Variants in RBFOX1 observed in about 807,000 individuals in gnomAD.
RBFOX1 encodes the protein RNA binding fox-1 homolog 1, also known as RNA binding protein fox-1 homolog 1.
Under a neutral mutation model 57.7 loss-of-function variants are expected in RBFOX1, and 8 were observed. The observed-to-expected ratio is 0.14, with a 90% CI of 0.08 to 0.25. The LOEUF (loss-of-function observed/expected upper bound fraction) is 0.25, where lower values mean the gene tolerates loss of function less well. Ranked by LOEUF, RBFOX1 falls within the 10% of genes least tolerant of loss-of-function variation. The pLI is 1.00. For missense variants in RBFOX1, 611 were observed against 548.5 expected (o/e 1.11, Z -1.14); for synonymous variants, 326 against 222.4 (o/e 1.47, Z -4.15).
At chr16:7,233,651 C>G (rs1279140479) in intron 4 of RBFOX1, among the ~76,000 whole-genome samples, 1 of 152,178 alleles carries the variant, frequency 6.6e-6, no homozygotes, top group African/African-American at 2.4e-5. Flanking sequence ...CTGGATGCTG[C>G]CCTTTCAACA....
intron 4 of RBFOX1, among the ~76,000 whole-genome samples, chr16:7,194,929 CAA>C (rs59919051): frequency 3.7e-5 from 5 of 134,136 alleles, no homozygotes; most frequent in Admixed American, 7.7e-5. Flanking sequence ...CCCTGTTTCA[CAA>C]AAAAAAAAAA....
At chr16:7,245,171 C>T (rs774167597) in intron 4 of RBFOX1, among the ~76,000 whole-genome samples, 13 of 152,130 alleles carry the variant, frequency 8.5e-5, no homozygotes, top group Non-Finnish European at 1.8e-4. Flanking sequence ...TCTTACATGT[C>T]TCTCTAGATC....
At chr16:6,544,518 G>C in intron 2 of RBFOX1, among the ~76,000 whole-genome samples, 1 of 152,082 alleles carries the variant, frequency 6.6e-6, no homozygotes, top group East Asian at 1.9e-4. Context: ...ATTCAACTCT[G>C]ATCTCTTCAT....
At chr16:6,539,804 CAG>C (rs2096786786) in intron 2 of RBFOX1, among the ~76,000 whole-genome samples, 2 of 142,646 alleles carry the variant, frequency 1.4e-5, no homozygotes, top group South Asian at 4.4e-4. Flanking sequence ...TCTCAAAACA[CAG>C]ACACACACAC....
chr16:5,748,653 G>T (rs1234976885), intron 3 of RBFOX1, among the ~76,000 whole-genome samples: 1 of 152,004 alleles, frequency 6.6e-6, no homozygotes, highest in Admixed American at 6.6e-5. Context: ...TTTGATCTTT[G>T]TTGGTTTAAA....
chr16:6,801,139 C>T lies in RBFOX1; in HGVS notation c.-16+146489C>T, dbSNP rs537034180. 3.3e-5 allele frequency among the ~76,000 whole-genome samples: 5 copies of T among 150,944 alleles called. No individual in the cohort carries two copies. The East Asian group carries it at 5.9e-4, about 18-fold the overall frequency. ...ACCTATTAAGCATTTCTGATATGCT[C>T]CTAGGTGATGTTGATGTCTTGGAAC... On this transcript the variant is annotated intron_variant, in intron 3 of 15. Transcript: ENST00000550418.
intron 2 of RBFOX1, among the ~76,000 whole-genome samples, chr16:5,498,128 A>G (rs183412525): frequency 6.6e-6 from 1 of 152,016 alleles, no homozygotes; most frequent in African/African-American, 2.4e-5. Flanking sequence ...AGGGGATTGC[A>G]TTTTATTCTT....
At chr16:5,485,890 C>G (rs2069715259) in intron 2 of RBFOX1, among the ~76,000 whole-genome samples, 1 of 152,118 alleles carries the variant, frequency 6.6e-6, no homozygotes, top group African/African-American at 2.4e-5. Flanking sequence ...TGTTATTATC[C>G]TCTTGAACCT....
chr16:6,495,161 C>A (rs1482615992), intron 2 of RBFOX1, among the ~76,000 whole-genome samples: 2 of 152,176 alleles, frequency 1.3e-5, no homozygotes, highest in African/African-American at 4.8e-5. Context: ...CTCTTTCACC[C>A]ATGCGGGAGT....
intron 13 of RBFOX1, among the ~76,000 whole-genome samples, chr16:7,675,059 G>C (rs1440054804): frequency 1.3e-5 from 2 of 152,262 alleles, no homozygotes; most frequent in East Asian, 3.9e-4. Flanking sequence ...TAAGCCTGTT[G>C]CAGCTAATGT....
At chr16:5,425,329 C>T (rs1274957070) in intron 1 of RBFOX1, among the ~76,000 whole-genome samples, 1 of 152,074 alleles carries the variant, frequency 6.6e-6, no homozygotes, top group Admixed American at 6.5e-5. Flanking sequence ...TGGTCTCGGA[C>T]TCCTGACCTC....
chr16:6,732,654 C>T (rs1290977693), intron 3 of RBFOX1, among the ~76,000 whole-genome samples: 1 of 152,206 alleles, frequency 6.6e-6, no homozygotes, highest in African/African-American at 2.4e-5. Context: ...GAGAGAAGAG[C>T]AAGGTGAATG....
rs559696545 is a variant in RBFOX1, at chr16:7,341,182, C to T, written c.28-176965C>T. On this transcript the variant is annotated intron_variant, in intron 4 of 15. Coordinates refer to ENST00000550418, the MANE Select transcript of RBFOX1 (RefSeq NM_018723.4). ...CACATCCCACCAGCTTGCAAGGAGC[C>T]AGCATGTTCACTTGATTCACTGCTG... Among the ~76,000 whole-genome samples, 130 of 152,224 alleles carry T rather than the reference C, an allele frequency of 8.5e-4. 3 individuals carry two copies. In the South Asian group the frequency reaches 0.026, roughly 31 times the overall value.
intron 3 of RBFOX1, among the ~76,000 whole-genome samples, chr16:5,607,312 C>T (rs929375887): frequency 1.3e-5 from 2 of 152,178 alleles, no homozygotes. Context: ...AAATATCACC[C>T]GTGATGTTGG....
intron 4 of RBFOX1, among the ~76,000 whole-genome samples, chr16:7,418,553 C>A (rs1311695797): frequency 6.6e-6 from 1 of 152,198 alleles, no homozygotes; most frequent in Non-Finnish European, 1.5e-5. Flanking sequence ...AAGTCTCTAC[C>A]TGTAAATAGT....
chr16:6,780,313 T>A (rs868186339), intron 3 of RBFOX1, among the ~76,000 whole-genome samples: 2 of 63,670 alleles, frequency 3.1e-5, no homozygotes, highest in South Asian at 7.4e-4. Flanking sequence ...ATATATATAT[T>A]TATTCATATT....
At chr16:6,711,263 G>T (rs1221664272) in intron 3 of RBFOX1, among the ~76,000 whole-genome samples, 1 of 151,942 alleles carries the variant, frequency 6.6e-6, no homozygotes, top group Non-Finnish European at 1.5e-5. Flanking sequence ...TCACTGTTTT[G>T]TCTCCACACG....
intron 3 of RBFOX1, among the ~76,000 whole-genome samples, chr16:6,780,740 A>T (rs1372856047): frequency 6.6e-6 from 1 of 151,162 alleles, no homozygotes; most frequent in Non-Finnish European, 1.5e-5. Flanking sequence ...TTCTCTAATG[A>T]TTAGTGACGT....
chr16:5,921,850 G>C (rs979360028), intron 4 of RBFOX1, among the ~76,000 whole-genome samples: 1 of 151,862 alleles, frequency 6.6e-6, no homozygotes, highest in African/African-American at 2.4e-5. Context: ...GAGGAGCCAG[G>C]CTCTTTTAAC....
Sources: allele counts gnomAD v4.1 joint callset (sites outside exome capture counted in the v4.1 genomes callset), GRCh38; gene constraint gnomAD v4.1.1; transcripts MANE v1.5; gene names NCBI Gene and HGNC (gene_info 2026-07-23, HGNC 2026-07-21).